The following STK10 variants were observed in gnomAD, a reference collection of about 807,000 sequenced individuals.
STK10 encodes the protein serine/threonine-protein kinase 10.
STK10 carries 78 observed loss-of-function variants against 113.8 expected under a neutral mutation model. The observed-to-expected ratio is 0.69, with a 90% CI of 0.57 to 0.83. The LOEUF (loss-of-function observed/expected upper bound fraction) is 0.83. Among genes scored for constraint, STK10 ranks in the 40% least tolerant of loss-of-function variants. The probability of loss-of-function intolerance (pLI) is 0.00; values close to 1 mark genes in which losing one functional copy is unlikely to be tolerated. For missense variants in STK10, 1,109 were observed against 1,280.1 expected, an observed-to-expected ratio of 0.87 and a Z score of 2.04; for synonymous variants, 465 against 494.7, an observed-to-expected ratio of 0.94 and a Z score of 0.80.
chr5:172,117,682 A>G (rs776323811), intron 3 of STK10, 52 bp from the exon 4 acceptor site: 5 of 1,604,386 alleles, frequency 3.1e-6, no homozygotes, highest in Non-Finnish European at 3.4e-6. Context: ...GACACAGGAA[A>G]CTGAAATGTC....
intron 1 of STK10, among the ~76,000 whole-genome samples, chr5:172,160,769 G>C (rs1770454147): frequency 6.6e-6 from 1 of 152,186 alleles, no homozygotes; most frequent in Non-Finnish European, 1.5e-5. Flanking sequence ...CCCGAGGCTT[G>C]GAGTTTCCCC....
chr5:172,187,975 T>G lies in STK10; in HGVS notation c.68A>C (p.Tyr23Ser), dbSNP rs772276576. The G allele has an allele frequency of 3.1e-6, 5 of 1,613,590 alleles. No homozygotes were observed. Among genetic ancestry groups the G allele is most frequent in the Non-Finnish European group, 4.2e-6 (5 of 1,179,786 alleles). The part of the protein sequence containing the change: ...STFEKRKSRE[Y>S]EHVRRDLDPN... Reference sequence around the variant, plus strand: ...GTCCAGGTCGCGGCGGACGTGCTCATATTCGCGGGACTTTCTCTTCTCGAA... The same window carrying G: ...GTCCAGGTCGCGGCGGACGTGCTCAGATTCGCGGGACTTTCTCTTCTCGAA... Residue 23 changes from tyrosine to serine, a missense_variant, in exon 1 of 19, where the codon TAT (tyrosine) becomes TCT (serine). This residue lies in a region of STK10 where 57 missense variants were observed against 53.6 expected (regional missense o/e 1.06). Coordinates refer to ENST00000176763, the MANE Select transcript of STK10 (RefSeq NM_005990.4). This position sits in a 1 kb window ranked among gnomAD's most constrained non-coding sequence, Gnocchi z 4.6.
chr5:172,064,133 C>A (rs1245659355), intron 13 of STK10, among the ~76,000 whole-genome samples: 2 of 152,112 alleles, frequency 1.3e-5, no homozygotes, highest in African/African-American at 4.8e-5. Context: ...AAAACAGCTA[C>A]AGGAAGCCTC....
intron 1 of STK10, among the ~76,000 whole-genome samples, chr5:172,167,039 A>G (rs938184306): frequency 6.6e-6 from 1 of 152,024 alleles, no homozygotes; most frequent in African/African-American, 2.4e-5. Context: ...GCGCACCTGT[A>G]GTCCCAGCTA....
chr5:172,173,834 C>A (rs1014112434), intron 1 of STK10, among the ~76,000 whole-genome samples: 2 of 152,236 alleles, frequency 1.3e-5, no homozygotes, highest in Non-Finnish European at 2.9e-5. Context: ...GCCACATTTA[C>A]ATCTTGTGTG....
chr5:172,047,845 A>G (rs1296874892), intron 18 of STK10, among the ~76,000 whole-genome samples: 2 of 151,128 alleles, frequency 1.3e-5, no homozygotes, highest in Non-Finnish European at 2.9e-5. Context: ...ATAACCTTGC[A>G]GTATTGATAG....
At chr5:172,128,514 A>G (rs1335732736) in intron 2 of STK10, among the ~76,000 whole-genome samples, 1 of 152,110 alleles carries the variant, frequency 6.6e-6, no homozygotes, top group Non-Finnish European at 1.5e-5. Flanking sequence ...TGTTTTTAGT[A>G]GAGATGGGGT....
intron 16 of STK10, 26 bp from the exon 17 acceptor site, chr5:172,054,720 T>C: frequency 6.2e-7 from 1 of 1,605,706 alleles, no homozygotes; most frequent in African/African-American, 1.3e-5. Flanking sequence ...GGTGGGTGCC[T>C]CAGGGGACCA....
intron 1 of STK10, among the ~76,000 whole-genome samples, chr5:172,181,873 TCAC>T (rs1366158699): frequency 1.3e-5 from 2 of 152,106 alleles, no homozygotes; most frequent in Admixed American, 1.3e-4. Flanking sequence ...GAAAAAAAAT[TCAC>T]CACAACATCA....
At position 172,064,830 on chromosome 5, in the gene STK10, G is replaced by A. The variant is rs369078920; in HGVS notation, c.1990-18C>T. 1.2e-6 allele frequency: 2 copies of A among 1,613,644 alleles called. No homozygotes were observed. The highest frequency in any genetic ancestry group is 1.7e-6 in the Non-Finnish European group (2 of 1,179,840). On this transcript the variant is annotated intron_variant, in intron 12 of 18. Transcript: ENST00000176763. ...TTCTTCACCTGCAGCAGAGACAGCA[G>A]AGAGTAGCTGGGTCAGGGTCCTCTC...
At chr5:172,115,324 G>C (rs1769355658) in intron 4 of STK10, among the ~76,000 whole-genome samples, 1 of 152,182 alleles carries the variant, frequency 6.6e-6, no homozygotes, top group Admixed American at 6.5e-5. Context: ...TGGTGAGTTC[G>C]GGTTCAGGCA....
chr5:172,058,172 G>A (rs771806715), intron 14 of STK10, among the ~76,000 whole-genome samples: 45 of 152,244 alleles, frequency 3.0e-4, no homozygotes, highest in Admixed American at 5.2e-4. Flanking sequence ...GGCTCAGTGC[G>A]AATGTTGTTT....
In STK10 at chr5:172,156,854, G is replaced by A; in HGVS notation, c.157-66C>T. Reference sequence around the variant, plus strand: ...GCAGGAAACTGACCTTTGGACGTGAGCCCGCAGTCCTGCATGAGTGTGAAA... The same window carrying A: ...GCAGGAAACTGACCTTTGGACGTGAACCCGCAGTCCTGCATGAGTGTGAAA... On this transcript the variant is annotated intron_variant, in intron 1 of 18. Transcript: ENST00000176763. 1.9e-6 allele frequency: 3 copies of A among 1,554,064 alleles called. No homozygotes were observed. The South Asian group carries it at 3.6e-5, about 19-fold the overall frequency.
intron 8 of STK10, among the ~76,000 whole-genome samples, chr5:172,094,808 G>A (rs1768809988): frequency 1.3e-5 from 2 of 152,164 alleles, no homozygotes; most frequent in Admixed American, 1.3e-4. Flanking sequence ...AGCCTGTCTG[G>A]GGACTGGATT....
rs1457746926 is a variant in STK10, at chr5:172,090,153, C to T, written c.1685+79G>A. ...CTTCATGCTGTAGACAGACAGCCCT[C>T]TCACCAAAGGACCAATGCCCACTCC... On this transcript the variant is annotated intron_variant, in intron 10 of 18. Transcript: ENST00000176763. 5 of 1,562,782 alleles carry T rather than the reference C, an allele frequency of 3.2e-6. No homozygotes were observed. The East Asian group carries it at 1.1e-4, about 36-fold the overall frequency.
chr5:172,156,926 T>G, intron 1 of STK10, 138 bp from the exon 2 acceptor site: 1 of 939,756 alleles, frequency 1.1e-6, no homozygotes, highest in African/African-American at 1.6e-5. Context: ...ACATTGTTCT[T>G]AACAATAGCC....
At chr5:172,176,031 C>T (rs774419885) in intron 1 of STK10, among the ~76,000 whole-genome samples, 3 of 152,190 alleles carry the variant, frequency 2.0e-5, no homozygotes, top group Non-Finnish European at 4.4e-5. Context: ...CAAGTAGGTG[C>T]TCAATAAACA....
In STK10 at chr5:172,093,457, G is replaced by A. The variant is rs779214823; in HGVS notation, c.1509C>T (p.Ser503=). Residue 503 remains serine, a synonymous_variant, in exon 9 of 19, where the codon TCC becomes TCT. Coordinates refer to ENST00000176763, the MANE Select transcript of STK10 (RefSeq NM_005990.4). This position sits in a 1 kb window ranked among gnomAD's most constrained non-coding sequence, Gnocchi z 4.1. ...SESMDYGTNL[S]TDLSLNKEMG... ...TCTCTTTGTTCAGCGACAGGTCAGT[G>A]GAGAGATTGGTACCATAGTCCATGC... 1 of 1,613,516 alleles carries A rather than the reference G, an allele frequency of 6.2e-7. No individual in the cohort carries two copies. The highest frequency in any genetic ancestry group is 1.1e-5 in the South Asian group (1 of 91,048).
At chr5:172,100,880 T>TTCCC (rs1162356647) in intron 7 of STK10, among the ~76,000 whole-genome samples, 1 of 152,190 alleles carries the variant, frequency 6.6e-6, no homozygotes, top group Non-Finnish European at 1.5e-5. Context: ...TCTGGTCTTC[T>TTCCC]TCCCTCCCTC....
Sources: gnomAD v4.1 joint callset for allele counts (sites outside exome capture counted in the v4.1 genomes callset) on GRCh38, gnomAD v4.1.1 for gene constraint, gnomAD v4.1.1 regional missense constraint, Gnocchi (gnomAD v3.1) non-coding constraint, MANE v1.5 for transcripts, NCBI Gene and HGNC (gene_info 2026-07-23, HGNC 2026-07-21) for gene names.